Variants in AEBP2 observed in about 807,000 individuals in gnomAD.
AEBP2 encodes AE binding protein 2, also known as zinc finger protein AEBP2.
Under a neutral mutation model 50.8 loss-of-function variants are expected in AEBP2, and 10 were observed. The observed-to-expected ratio is 0.20, with a 90% CI of 0.12 to 0.33. The LOEUF is 0.33. AEBP2 is among the 10% of genes least tolerant of loss of function. AEBP2 has a pLI of 1.00. For synonymous variants in AEBP2, 296 were observed against 261.3 expected (o/e 1.13, Z -1.28); for missense variants, 570 against 688.0 (o/e 0.83, Z 1.92).
At chr12:19,491,594 G>A (rs1008355202) in intron 3 of AEBP2, among the ~76,000 whole-genome samples, 2 of 151,980 alleles carry the variant, frequency 1.3e-5, no homozygotes, top group Non-Finnish European at 2.9e-5. Context: ...AACTTAGTGT[G>A]CACCATAGAG....
rs181617420 is a variant in AEBP2 at position 19,443,485 on chromosome 12, G to A, written c.671+3115G>A. On this transcript the variant is annotated intron_variant, in intron 1 of 7. Transcript: ENST00000266508. ...TGTAATCCCAGCACTTTGGGAGGCC[G>A]AGTCGGGTGGATCATTTGAGGTCAA... Among the ~76,000 whole-genome samples, 836 of 151,726 alleles carry A rather than the reference G, an allele frequency of 5.5e-3. 5 individuals carry two copies. The highest frequency in any genetic ancestry group is 0.024 in the Middle Eastern group (7 of 292).
chr12:19,477,196 G>A (rs535199440), intron 3 of AEBP2, among the ~76,000 whole-genome samples: 2 of 152,260 alleles, frequency 1.3e-5, no homozygotes, highest in African/African-American at 4.8e-5. Flanking sequence ...CAGATTACAA[G>A]CTTTTTGGAT....
Position 19,459,193 on chromosome 12 carries a change from C to A in AEBP2, c.672-3317C>A, listed in dbSNP as rs954181885. On this transcript the variant is annotated intron_variant, in intron 1 of 7. Coordinates refer to ENST00000266508, the MANE Select transcript of AEBP2 (RefSeq NM_153207.5). ...AGCAAGTGATAGGGAAAATAGGTAA[C>A]CATTTCAGGGTTAAGGGCCTCATGA... 5.3e-5 allele frequency among the ~76,000 whole-genome samples: 8 copies of A among 152,236 alleles called. No homozygotes were observed. In the South Asian group the frequency reaches 1.7e-3, roughly 32 times the overall value.
intron 1 of AEBP2, among the ~76,000 whole-genome samples, chr12:19,447,113 A>C (rs576560561): frequency 4.6e-5 from 7 of 152,232 alleles, no homozygotes; most frequent in African/African-American, 1.7e-4. Context: ...CTTCCTGCCA[A>C]CATCTAAGGA....
intron 1 of AEBP2, 164 bp downstream of exon 1, chr12:19,440,534 C>T: frequency 7.2e-7 from 1 of 1,380,600 alleles, no homozygotes; most frequent in Middle Eastern, 2.7e-4. Context: ...CCGCCGCGCC[C>T]CTCTCGCAGC....
chr12:19,439,891 T>TGGGGGCGGC lies in AEBP2; in HGVS notation c.195_203dup (p.Gly71_Gly73dup). 7.0e-7 allele frequency: 1 copy of TGGGGGCGGC among 1,425,468 alleles called. No individual in the cohort carries two copies. 88.3% of individuals were successfully genotyped at this position (1,425,468 alleles called of 1,614,324 possible). Reference sequence around the variant, plus strand: ...CGCTGCTGCTGAACGGCGGCAGCGGTGGGGGCGGCGGAGGCGGCGGCGGAG... The same window carrying TGGGGGCGGC: ...CGCTGCTGCTGAACGGCGGCAGCGGTGGGGGCGGCGGGGGCGGCGGAGGCGGCGGCGGAG... On this transcript the variant is annotated inframe_insertion, in exon 1 of 8. Coordinates refer to ENST00000266508, the MANE Select transcript of AEBP2 (RefSeq NM_153207.5).
intron 3 of AEBP2, among the ~76,000 whole-genome samples, chr12:19,479,976 C>T (rs552453508): frequency 3.5e-4 from 53 of 151,860 alleles, no homozygotes; most frequent in African/African-American, 1.0e-3. Context: ...CATTTACATT[C>T]GGTGTTAGTA....
chr12:19,438,484 T>A (rs924569844), upstream of AEBP2, among the ~76,000 whole-genome samples: 1 of 152,192 alleles, frequency 6.6e-6, no homozygotes, highest in Non-Finnish European at 1.5e-5. Context: ...ATCCATCCAC[T>A]GAAGGTCATA....
chr12:19,406,449 TGG>T, intron 1 of AEBP2, among the ~76,000 whole-genome samples: 8 of 151,984 alleles, frequency 5.3e-5, no homozygotes, highest in African/African-American at 1.9e-4. Context: ...GAGGCCCAGG[TGG>T]GTGGATTACC....
chr12:19,471,548 C>G (rs987406970), intron 2 of AEBP2, among the ~76,000 whole-genome samples: 2 of 151,918 alleles, frequency 1.3e-5, no homozygotes, highest in Non-Finnish European at 2.9e-5. Flanking sequence ...GTCACCTACA[C>G]TGGAGTGCAG....
intron 1 of AEBP2, chr12:19,456,436 C>A: frequency 7.1e-7 from 1 of 1,410,458 alleles, no homozygotes; most frequent in Non-Finnish European, 9.9e-7. Flanking sequence ...TCAACGTTGG[C>A]AGCATCACCA....
At chr12:19,507,556 T>G (rs565381108) in intron 5 of AEBP2, among the ~76,000 whole-genome samples, 1 of 152,324 alleles carries the variant, frequency 6.6e-6, no homozygotes, top group African/African-American at 2.4e-5. Flanking sequence ...TATTGTAAGC[T>G]TAAAAACCTA....
At chr12:19,456,758 G>A in intron 1 of AEBP2, 3 of 1,589,994 alleles carry the variant, frequency 1.9e-6, no homozygotes, top group Non-Finnish European at 1.7e-6. Flanking sequence ...GGTGCATTTC[G>A]ACAGATTTTA....
At position 19,440,128 on chromosome 12, in the gene AEBP2, C is replaced by T. The variant is rs1200289065; in HGVS notation, c.429C>T (p.Gly143=). ...ACGAGACCCGCTCGTTGAGCCCCGG[C>T]GCCGCCAGCAGCAGCAGCGGGGATG... ...SSDETRSLSP[G]AASSSSGDGD... The change falls in exon 1 of 8, where the codon GGC becomes GGT. Residue 143 remains glycine (G), a synonymous_variant. Transcript: ENST00000266508. 8.0e-6 allele frequency: 12 copies of T among 1,504,118 alleles called. No individual in the cohort carries two copies. Among genetic ancestry groups the T allele is most frequent in the Non-Finnish European group, 9.7e-6 (11 of 1,132,988 alleles). 93.2% of individuals were successfully genotyped at this position (1,504,118 alleles called of 1,614,324 possible).
intron 1 of AEBP2, among the ~76,000 whole-genome samples, chr12:19,427,882 T>A (rs1296327511): frequency 6.6e-6 from 1 of 152,148 alleles, no homozygotes; most frequent in Non-Finnish European, 1.5e-5. Context: ...ATTTGTGTGT[T>A]TATTTTACCT....
intron 3 of AEBP2, among the ~76,000 whole-genome samples, chr12:19,484,686 T>G (rs538821401): frequency 3.9e-5 from 6 of 152,308 alleles, no homozygotes; most frequent in Non-Finnish European, 5.9e-5. Context: ...CTTAATAGTT[T>G]TAATTAGTAT....
intron 5 of AEBP2, among the ~76,000 whole-genome samples, chr12:19,501,820 A>G (rs1178272027): frequency 4.2e-5 from 1 of 24,006 alleles, no homozygotes; most frequent in East Asian, 1.3e-3. Flanking sequence ...TTTTTTTTGC[A>G]TTTTCATGTT....
intron 1 of AEBP2, among the ~76,000 whole-genome samples, chr12:19,458,997 A>G (rs1475002742): frequency 3.3e-5 from 5 of 152,106 alleles, no homozygotes; most frequent in Non-Finnish European, 7.4e-5. Context: ...ACTTAACTAT[A>G]CCTTGGAGAT....
chr12:19,518,513 C>T lies in AEBP2; in HGVS notation c.*396C>T, dbSNP rs1949352271. ...AAGAAAAACAATTACAACATGTGCC[C>T]TTACAAATACCAAAAGCACTGTAAG... On this transcript the variant is annotated 3_prime_UTR_variant, in exon 8 of 8. Coordinates refer to ENST00000266508, the MANE Select transcript of AEBP2 (RefSeq NM_153207.5). 7 of 1,257,874 alleles carry T rather than the reference C, an allele frequency of 5.6e-6. No homozygotes were observed. Among genetic ancestry groups the T allele is most frequent in the Non-Finnish European group, 6.0e-6 (6 of 997,156 alleles). The allele number at this position is 1,257,874 out of a possible 1,614,324, so 77.9% of individuals were successfully genotyped here. A position where few individuals can be genotyped will look rare whatever the true frequency, so the allele number is the denominator to read the frequency against.
Sources: allele counts gnomAD v4.1 joint callset (sites outside exome capture counted in the v4.1 genomes callset), GRCh38; gene constraint gnomAD v4.1.1; transcripts MANE v1.5; gene names NCBI Gene and HGNC (gene_info 2026-07-23, HGNC 2026-07-21).